Variants in CDH12 observed in about 807,000 individuals in gnomAD.
CDH12 encodes the protein cadherin-12.
CDH12 carries 41 observed loss-of-function variants against 74.1 expected under a neutral mutation model. That is an observed-to-expected ratio of 0.55 (90% CI 0.43 to 0.72). The LOEUF (loss-of-function observed/expected upper bound fraction) is 0.72, where lower values mean the gene tolerates loss of function less well. CDH12 is among the 30% of genes least tolerant of loss of function. The pLI, the probability that CDH12 is intolerant of heterozygous loss-of-function variation, is 0.00. For missense variants in CDH12, 945 were observed against 977.2 expected (o/e 0.97, Z 0.44); for synonymous variants, 399 against 355.0 (o/e 1.12, Z -1.39).
rs527481430 is a variant in CDH12, at chr5:22,566,530, G to T, written c.-522-61166C>A. The stretch of plus-strand genomic sequence containing the variant: ...TGGGATTACAGGTATGAGCCACCGC[G>T]CCCAGCTACTATGTGTCTTTTAATT... On this transcript the variant is annotated intron_variant, in intron 1 of 14. Coordinates refer to ENST00000382254, the MANE Select transcript of CDH12 (RefSeq NM_004061.5). 3.1e-4 allele frequency among the ~76,000 whole-genome samples: 47 copies of T among 152,112 alleles called. 1 individual carries two copies. The South Asian group carries it at 9.8e-3, about 32-fold the overall frequency.
chr5:22,775,225 G>C (rs547433744), intron 1 of CDH12, among the ~76,000 whole-genome samples: 1 of 151,906 alleles, frequency 6.6e-6, no homozygotes, highest in Non-Finnish European at 1.5e-5. Context: ...GACAGCAGGA[G>C]GTATGTTATA....
intron 3 of CDH12, among the ~76,000 whole-genome samples, chr5:22,305,949 A>G (rs1432797849): frequency 6.6e-6 from 1 of 151,994 alleles, no homozygotes; most frequent in African/African-American, 2.4e-5. Context: ...AAACTTCTTA[A>G]ATTACATAGC....
intron 1 of CDH12, among the ~76,000 whole-genome samples, chr5:22,666,777 G>A (rs1424581948): frequency 6.6e-6 from 1 of 151,982 alleles, no homozygotes; most frequent in Non-Finnish European, 1.5e-5. Flanking sequence ...TCCTTCAATG[G>A]CAAATTAATA....
intron 1 of CDH12, among the ~76,000 whole-genome samples, chr5:22,534,030 GAA>G: frequency 6.6e-6 from 1 of 152,054 alleles, no homozygotes; most frequent in East Asian, 1.9e-4. Flanking sequence ...CCAAGACAAT[GAA>G]AAAATTTTTA....
chr5:22,163,359 T>C (rs546586168), intron 4 of CDH12, among the ~76,000 whole-genome samples: 8 of 152,168 alleles, frequency 5.3e-5, no homozygotes, highest in Non-Finnish European at 1.2e-4. Flanking sequence ...ATATTGCATG[T>C]ACATAACACA....
chr5:21,950,906 C>T (rs1269935896), intron 6 of CDH12, among the ~76,000 whole-genome samples: 2 of 151,208 alleles, frequency 1.3e-5, no homozygotes, highest in East Asian at 3.9e-4. Context: ...CCTGCCTCAG[C>T]CTCCCGAGTA....
intron 5 of CDH12, among the ~76,000 whole-genome samples, chr5:22,059,148 T>C (rs1165945414): frequency 1.3e-5 from 2 of 152,168 alleles, no homozygotes; most frequent in East Asian, 3.9e-4. Flanking sequence ...AATATTTTCC[T>C]AGTTGCTCAA....
chr5:22,668,989 A>C (rs562540389), intron 1 of CDH12, among the ~76,000 whole-genome samples: 1 of 152,134 alleles, frequency 6.6e-6, no homozygotes, highest in East Asian at 1.9e-4. Flanking sequence ...CAATACTGCA[A>C]GTATTTACTT....
intron 4 of CDH12, among the ~76,000 whole-genome samples, chr5:22,105,101 CT>C (rs201716467): frequency 2.0e-5 from 3 of 150,424 alleles, no homozygotes; most frequent in East Asian, 4.0e-4. Flanking sequence ...CTTTTCTTTT[CT>C]TTTTTTTTGA....
At chr5:22,260,906 C>T (rs908092559) in intron 3 of CDH12, among the ~76,000 whole-genome samples, 2 of 151,884 alleles carry the variant, frequency 1.3e-5, no homozygotes, top group Non-Finnish European at 2.9e-5. Context: ...AGATAACTGG[C>T]TTATTTCTGT....
At chr5:22,837,004 T>C (rs182939732) in intron 1 of CDH12, among the ~76,000 whole-genome samples, 19 of 152,346 alleles carry the variant, frequency 1.2e-4, no homozygotes, top group Non-Finnish European at 1.3e-4. Context: ...TTTTCAATAC[T>C]ATACACATAA....
chr5:22,128,256 A>G (rs1456431587), intron 4 of CDH12, among the ~76,000 whole-genome samples: 1 of 152,012 alleles, frequency 6.6e-6, no homozygotes, highest in African/African-American at 2.4e-5. Flanking sequence ...TGGAGGTTGA[A>G]CTTGGAGTTA....
chr5:22,776,113 A>G (rs1747086135), intron 1 of CDH12, among the ~76,000 whole-genome samples: 2 of 152,156 alleles, frequency 1.3e-5, no homozygotes, highest in Non-Finnish European at 2.9e-5. Flanking sequence ...AGCAGCATGA[A>G]TGCGGACTAA....
chr5:21,863,129 G>A (rs1262692828), intron 6 of CDH12, among the ~76,000 whole-genome samples: 5 of 152,110 alleles, frequency 3.3e-5, no homozygotes, highest in Admixed American at 1.3e-4. Context: ...TCTGAACAGC[G>A]TGACATGAAC....
chr5:22,800,654 C>G (rs1307630476), intron 1 of CDH12, among the ~76,000 whole-genome samples: 1 of 152,120 alleles, frequency 6.6e-6, no homozygotes, highest in Non-Finnish European at 1.5e-5. Flanking sequence ...TAGTGTCATA[C>G]AAACCATTTT....
At position 21,866,918 on chromosome 5, in the gene CDH12, G is replaced by A. The variant is rs758562753; in HGVS notation, c.527-12128C>T. Among the ~76,000 whole-genome samples, 52 of 152,108 alleles carry A rather than the reference G, an allele frequency of 3.4e-4. 1 individual carries two copies. The highest frequency in any genetic ancestry group is 3.2e-3 in the Middle Eastern group (1 of 316). On this transcript the variant is annotated intron_variant, in intron 6 of 14. Coordinates refer to ENST00000382254, the MANE Select transcript of CDH12 (RefSeq NM_004061.5). ...GCCTGCCCCAGGGTCCCTTTACTGT[G>A]TGCAGTTTAGGGACATGGTGCTCTG...
chr5:22,499,447 A>G (rs999121485), intron 2 of CDH12, among the ~76,000 whole-genome samples: 3 of 152,136 alleles, frequency 2.0e-5, no homozygotes, highest in Non-Finnish European at 4.4e-5. Context: ...CCTTCTCTAG[A>G]ATGGTTCCTG....
chr5:22,609,546 G>A (rs1489346401), intron 1 of CDH12, among the ~76,000 whole-genome samples: 2 of 152,170 alleles, frequency 1.3e-5, no homozygotes, highest in African/African-American at 4.8e-5. Context: ...AATTGTTCAT[G>A]TGTAAAAATA....
At chr5:22,282,445 G>A (rs1736930050) in intron 3 of CDH12, among the ~76,000 whole-genome samples, 1 of 152,108 alleles carries the variant, frequency 6.6e-6, no homozygotes, top group African/African-American at 2.4e-5. Context: ...ACTATCATCT[G>A]AGTAAACAGG....
Sources: allele counts gnomAD v4.1 joint callset (sites outside exome capture counted in the v4.1 genomes callset), GRCh38; gene constraint gnomAD v4.1.1; transcripts MANE v1.5; gene names NCBI Gene and HGNC (gene_info 2026-07-23, HGNC 2026-07-21).